Variants in EEFSEC observed in about 807,000 individuals in gnomAD.
The protein encoded by EEFSEC is selenocysteine-specific elongation factor.
Under a neutral mutation model 42.1 loss-of-function variants are expected in EEFSEC, and 43 were observed. That is an observed-to-expected ratio of 1.02 (90% CI 0.80 to 1.32). EEFSEC has a LOEUF of 1.32. Among genes scored for constraint, EEFSEC ranks in the 40% most tolerant of loss-of-function variants. The pLI is 0.00. For synonymous variants in EEFSEC, 354 were observed against 339.1 expected (o/e 1.04, Z -0.48); for missense variants, 745 against 803.6 (o/e 0.93, Z 0.88).
intron 4 of EEFSEC, among the ~76,000 whole-genome samples, chr3:128,268,415 GA>G (rs1342839738): frequency 6.6e-6 from 1 of 152,160 alleles, no homozygotes; most frequent in Non-Finnish European, 1.5e-5. Flanking sequence ...GATGTTTGAA[GA>G]GGTGAATGTA....
intron 1 of EEFSEC, among the ~76,000 whole-genome samples, chr3:128,232,406 G>A (rs948878223): frequency 6.6e-6 from 1 of 152,162 alleles, no homozygotes; most frequent in Non-Finnish European, 1.5e-5. Context: ...ACTGGCCTCC[G>A]CACACCCGGT....
chr3:128,375,941 C>T (rs987831127), intron 6 of EEFSEC, among the ~76,000 whole-genome samples: 3 of 152,194 alleles, frequency 2.0e-5, no homozygotes, highest in Non-Finnish European at 4.4e-5. Flanking sequence ...CTAGATGGGG[C>T]TGAGAAATAG....
chr3:128,348,425 A>G (rs2107575395), intron 5 of EEFSEC, among the ~76,000 whole-genome samples: 1 of 152,192 alleles, frequency 6.6e-6, no homozygotes, highest in East Asian at 1.9e-4. Context: ...GTGTTCTTTC[A>G]ATCTTTTGAT....
chr3:128,264,509 C>T, intron 3 of EEFSEC, 108 bp from the exon 4 acceptor site: 1 of 1,326,794 alleles, frequency 7.5e-7, no homozygotes. Context: ...CTGAGTTCAC[C>T]TTGGCAGCCT....
chr3:128,243,205 C>T (rs976431344), intron 1 of EEFSEC, among the ~76,000 whole-genome samples: 2 of 152,196 alleles, frequency 1.3e-5, no homozygotes, highest in African/African-American at 2.4e-5. Context: ...GCACGGGGTC[C>T]GCTCAAGAGC....
intron 4 of EEFSEC, among the ~76,000 whole-genome samples, chr3:128,296,144 A>G (rs542386920): frequency 2.0e-5 from 3 of 152,292 alleles, no homozygotes; most frequent in African/African-American, 7.2e-5. Flanking sequence ...GGGCCCTGGC[A>G]GAGCATGAGA....
chr3:128,361,344 T>G (rs2067523357), intron 6 of EEFSEC, among the ~76,000 whole-genome samples: 1 of 152,178 alleles, frequency 6.6e-6, no homozygotes, highest in Non-Finnish European at 1.5e-5. Context: ...CTGCCAACTC[T>G]TCACTATATG....
chr3:128,273,949 G>A (rs944902923), intron 4 of EEFSEC, among the ~76,000 whole-genome samples: 2 of 152,178 alleles, frequency 1.3e-5, no homozygotes, highest in Non-Finnish European at 2.9e-5. Flanking sequence ...TTGGGCCCAG[G>A]TTGACCTGCA....
intron 1 of EEFSEC, among the ~76,000 whole-genome samples, chr3:128,200,976 G>T (rs2065637491): frequency 6.6e-6 from 1 of 152,130 alleles, no homozygotes. Flanking sequence ...CTGGTGATCT[G>T]TGCTGCTGGT....
chr3:128,294,104 A>G (rs2066676678), intron 4 of EEFSEC, among the ~76,000 whole-genome samples: 3 of 152,174 alleles, frequency 2.0e-5, no homozygotes, highest in African/African-American at 4.8e-5. Flanking sequence ...CAGAGCCAGC[A>G]CTTCTGTAGA....
intron 1 of EEFSEC, among the ~76,000 whole-genome samples, chr3:128,198,187 G>T (rs1421915566): frequency 3.3e-5 from 5 of 152,164 alleles, no homozygotes; most frequent in Non-Finnish European, 7.4e-5. Flanking sequence ...AGCTCTTCTT[G>T]CCTCCAGCAA....
chr3:128,220,756 C>T (rs1318917426), intron 1 of EEFSEC, among the ~76,000 whole-genome samples: 3 of 152,208 alleles, frequency 2.0e-5, no homozygotes, highest in Non-Finnish European at 4.4e-5. Context: ...AAGGGCCAAC[C>T]TCCCGGGAGT....
chr3:128,341,808 A>G lies in EEFSEC; in HGVS notation c.1362A>G (p.Leu454=), dbSNP rs552212657. The change falls in exon 5 of 7, where the codon CTA becomes CTG. Residue 454 remains leucine (L), a synonymous_variant. Coordinates refer to ENST00000254730, the MANE Select transcript of EEFSEC (RefSeq NM_021937.5). ...TCCATGGCATCCTGCTCCACGGGCT[A>G]GAGGACAGGAACTACGCCGACAGCT... ...LAFHGILLHG[L]EDRNYADSFL... 1.9e-6 allele frequency: 3 copies of G among 1,614,104 alleles called. No homozygotes were observed. The highest frequency in any genetic ancestry group is 1.3e-5 in the African/African-American group (1 of 75,072).
At chr3:128,302,029 G>A (rs1299436576) in intron 4 of EEFSEC, among the ~76,000 whole-genome samples, 1 of 152,164 alleles carries the variant, frequency 6.6e-6, no homozygotes, top group Non-Finnish European at 1.5e-5. Context: ...AGGGCAAGTT[G>A]GTTAGAGTGT....
intron 4 of EEFSEC, among the ~76,000 whole-genome samples, chr3:128,329,427 C>T (rs573393871): frequency 0.015 from 2,290 of 152,194 alleles, 57 homozygotes; most frequent in African/African-American, 0.051. Flanking sequence ...CCCCCACCCC[C>T]GCTGATGCTC....
chr3:128,195,465 C>T (rs2065574618), intron 1 of EEFSEC, among the ~76,000 whole-genome samples: 1 of 152,112 alleles, frequency 6.6e-6, no homozygotes. Flanking sequence ...CAGCTGAGCA[C>T]AGTATTTGGT....
At chr3:128,273,506 C>A (rs2066435764) in intron 4 of EEFSEC, among the ~76,000 whole-genome samples, 1 of 152,204 alleles carries the variant, frequency 6.6e-6, no homozygotes, top group African/African-American at 2.4e-5. Flanking sequence ...ACCCCCAAAC[C>A]CCAAGTGAAT....
At chr3:128,209,427 TG>T (rs975836242) in intron 1 of EEFSEC, among the ~76,000 whole-genome samples, 2 of 152,068 alleles carry the variant, frequency 1.3e-5, no homozygotes, top group African/African-American at 2.4e-5. Context: ...TGAAGAGATG[TG>T]GGGAACTTGG....
At chr3:128,301,856 G>A (rs1288295445) in intron 4 of EEFSEC, among the ~76,000 whole-genome samples, 1 of 152,124 alleles carries the variant, frequency 6.6e-6, no homozygotes, top group African/African-American at 2.4e-5. Flanking sequence ...GAACTCCCAT[G>A]GGGGGCAGGA....
Sources: allele counts gnomAD v4.1 joint callset (sites outside exome capture counted in the v4.1 genomes callset), GRCh38; gene constraint gnomAD v4.1.1; transcripts MANE v1.5; gene names NCBI Gene and HGNC (gene_info 2026-07-23, HGNC 2026-07-21).